Variants in HBS1L observed in about 807,000 individuals in gnomAD.
HBS1L encodes the protein HBS1 like translational GTPase.
In HBS1L, 55 loss-of-function variants were observed where a neutral mutation model predicts 88.9. That is an observed-to-expected ratio of 0.62 (90% CI 0.50 to 0.77). The LOEUF is 0.77. Among genes scored for constraint, HBS1L ranks in the 30% least tolerant of loss-of-function variants. HBS1L has a pLI of 0.00. For synonymous variants in HBS1L, 267 were observed against 288.5 expected (o/e 0.93, Z 0.76); for missense variants, 741 against 829.3 (o/e 0.89, Z 1.31).
Position 134,987,636 on chromosome 6 carries a change from CT to C in HBS1L, c.1230+8del, listed in dbSNP as rs775421737. Reference sequence around the variant, plus strand: ...ATCTTAAACAAATCTCCACAAAGCCCTTAAATACCTGATCCATTTTATTAAC... The same window carrying C: ...ATCTTAAACAAATCTCCACAAAGCCCTAAATACCTGATCCATTTTATTAAC... On this transcript the variant is annotated splice_region_variant and intron_variant, in intron 9 of 17. Transcript: ENST00000367837. 1 of 1,591,422 alleles carries C rather than the reference CT, an allele frequency of 6.3e-7. No homozygotes were observed. Among genetic ancestry groups the C allele is most frequent in the Non-Finnish European group, 8.6e-7 (1 of 1,169,414 alleles).
intron 4 of HBS1L, among the ~76,000 whole-genome samples, chr6:135,034,143 GT>G (rs1430011670): frequency 6.7e-6 from 1 of 150,162 alleles, no homozygotes; most frequent in African/African-American, 2.5e-5. Flanking sequence ...GAAGTGTTTG[GT>G]TTAAAAAAAA....
At chr6:135,003,568 T>TAAAAAAAA (rs35996451) in intron 4 of HBS1L, among the ~76,000 whole-genome samples, 2 of 128,320 alleles carry the variant, frequency 1.6e-5, no homozygotes, top group Non-Finnish European at 3.2e-5. Flanking sequence ...CTCCATCTCT[T>TAAAAAAAA]AAAAAAAAAA....
Position 134,962,039 on chromosome 6 carries a change from TG to T in HBS1L, c.*3239del, listed in dbSNP as rs1774199968. ...AGACTCAAGCCCCAGAGCTTTCTCT[TG>T]TGCCTGGAATATGGCAGGATCATAA... On this transcript the variant is annotated 3_prime_UTR_variant, in exon 18 of 18. Coordinates refer to ENST00000367837, the MANE Select transcript of HBS1L (RefSeq NM_006620.4). 6.6e-6 allele frequency: 1 copy of T among 152,168 alleles called. No homozygotes were observed. Among genetic ancestry groups the T allele is most frequent in the East Asian group, 1.9e-4 (1 of 5,196 alleles). 9.4% of individuals were successfully genotyped at this position (152,168 alleles called of 1,614,324 possible).
rs1433031663 is a variant in HBS1L at position 135,034,414 on chromosome 6, T to C, written c.430+5159A>G. Among the ~76,000 whole-genome samples, 3 of 152,006 alleles carry C rather than the reference T, an allele frequency of 2.0e-5. No individual in the cohort carries two copies. The East Asian group carries it at 5.8e-4, about 29-fold the overall frequency. On this transcript the variant is annotated intron_variant, in intron 4 of 17. Coordinates refer to ENST00000367837, the MANE Select transcript of HBS1L (RefSeq NM_006620.4). ...ATCCCAGCACTTCGGGAGGCCGAGG[T>C]GGGCGGATCATCTGAGGTCAGGAGT...
chr6:134,962,285 A>G lies in HBS1L; in HGVS notation c.*2994T>C, dbSNP rs1245924318. On this transcript the variant is annotated 3_prime_UTR_variant, in exon 18 of 18. Coordinates refer to ENST00000367837, the MANE Select transcript of HBS1L (RefSeq NM_006620.4). The stretch of plus-strand genomic sequence containing the variant: ...ACTTCTATTGAAAAATATTGATTAC[A>G]TAACAACATGAAAATAACTTGGCTA... The G allele has an allele frequency of 6.6e-6, 1 of 152,200 alleles. No individual in the cohort carries two copies. The highest frequency in any genetic ancestry group is 2.4e-5 in the African/African-American group (1 of 41,440). 9.4% of individuals were successfully genotyped at this position (152,200 alleles called of 1,614,324 possible). A position where few individuals can be genotyped will look rare whatever the true frequency, so the allele number is the denominator to read the frequency against.
chr6:134,993,969 T>A (rs1026913674), intron 7 of HBS1L, 94 bp from the exon 8 acceptor site: 27 of 487,340 alleles, frequency 5.5e-5, no homozygotes, highest in Non-Finnish European at 9.0e-5. Context: ...CATTCTTAGG[T>A]AAAAATGGAA....
chr6:135,023,010 T>C (rs536577427), intron 4 of HBS1L, among the ~76,000 whole-genome samples: 2 of 150,996 alleles, frequency 1.3e-5, no homozygotes, highest in South Asian at 4.2e-4. Context: ...AGTGATGATA[T>C]CTAAGAGAAA....
At chr6:134,968,147 T>G (rs1468630657) in intron 16 of HBS1L, among the ~76,000 whole-genome samples, 7 of 152,014 alleles carry the variant, frequency 4.6e-5, no homozygotes, top group African/African-American at 1.7e-4. Context: ...AAAGGGGATT[T>G]GGGATGTTAT....
chr6:135,038,494 T>TA (rs899793912), intron 4 of HBS1L, among the ~76,000 whole-genome samples: 8 of 152,200 alleles, frequency 5.3e-5, no homozygotes, highest in African/African-American at 1.9e-4. Flanking sequence ...AGATGACATA[T>TA]TACAGACTCA....
chr6:135,052,570 C>T (rs1337307110), intron 1 of HBS1L, among the ~76,000 whole-genome samples: 1 of 142,690 alleles, frequency 7.0e-6, no homozygotes, highest in Non-Finnish European at 1.5e-5. Flanking sequence ...CAACAAAGTG[C>T]GATCCTGTCT....
chr6:134,997,895 A>T (rs1775337996), intron 5 of HBS1L, among the ~76,000 whole-genome samples: 1 of 152,186 alleles, frequency 6.6e-6, no homozygotes, highest in African/African-American at 2.4e-5. Flanking sequence ...ATAAGAAGAA[A>T]ATAATGTTGA....
At chr6:134,980,018 C>T (rs1774781643) in intron 13 of HBS1L, among the ~76,000 whole-genome samples, 1 of 151,944 alleles carries the variant, frequency 6.6e-6, no homozygotes, top group Non-Finnish European at 1.5e-5. Context: ...TACTCAGCTA[C>T]CTTACTCAAA....
At chr6:135,002,103 A>G (rs1195739559) in intron 5 of HBS1L, among the ~76,000 whole-genome samples, 1 of 151,998 alleles carries the variant, frequency 6.6e-6, no homozygotes, top group Non-Finnish European at 1.5e-5. Flanking sequence ...GAGTTTAAAA[A>G]TTAATGGCTT....
chr6:135,054,762 C>T lies in HBS1L; in HGVS notation c.-71G>A, dbSNP rs993200489. On this transcript the variant is annotated 5_prime_UTR_variant, in exon 1 of 18. Transcript: ENST00000367837. ...ACACTCCGCTTAGATACTGATAAGG[C>T]GCCAACTGCAGCCTGGAGAACCCCT... 5 of 1,576,478 alleles carry T rather than the reference C, an allele frequency of 3.2e-6. No homozygotes were observed. Among genetic ancestry groups the T allele is most frequent in the South Asian group, 1.1e-5 (1 of 89,076 alleles).
At chr6:135,000,527 G>A (rs1775421716) in intron 5 of HBS1L, among the ~76,000 whole-genome samples, 1 of 151,880 alleles carries the variant, frequency 6.6e-6, no homozygotes, top group Non-Finnish European at 1.5e-5. Context: ...TCTTCTATAT[G>A]CAATGTTCCA....
intron 4 of HBS1L, among the ~76,000 whole-genome samples, chr6:135,016,248 T>C (rs1775918543): frequency 6.6e-6 from 1 of 152,208 alleles, no homozygotes; most frequent in Non-Finnish European, 1.5e-5. Context: ...AGGTTAACCA[T>C]CATTAACATC....
At chr6:135,042,307 G>A (rs1230306158) in intron 2 of HBS1L, among the ~76,000 whole-genome samples, 181 bp from the exon 3 acceptor site, 2 of 151,990 alleles carry the variant, frequency 1.3e-5, no homozygotes, top group Admixed American at 6.6e-5. Context: ...CTACTCGAAG[G>A]TGCTTACAAT....
chr6:135,051,247 GA>G (rs1383187447), intron 1 of HBS1L, among the ~76,000 whole-genome samples: 2 of 150,548 alleles, frequency 1.3e-5, no homozygotes, highest in Non-Finnish European at 3.0e-5. Flanking sequence ...AAGAAAAAAA[GA>G]AAAAAAAATA....
intron 4 of HBS1L, among the ~76,000 whole-genome samples, chr6:135,030,666 G>A (rs185537765): frequency 2.0e-5 from 3 of 151,874 alleles, no homozygotes; most frequent in Admixed American, 1.3e-4. Flanking sequence ...AAAAGTAACA[G>A]TAAATAAAAT....
Sources: gnomAD v4.1 joint callset for allele counts (sites outside exome capture counted in the v4.1 genomes callset) on GRCh38, gnomAD v4.1.1 for gene constraint, MANE v1.5 for transcripts, NCBI Gene and HGNC (gene_info 2026-07-23, HGNC 2026-07-21) for gene names.